Variants in ADCK1 observed in about 807,000 individuals in gnomAD.
The protein encoded by ADCK1 is aarF domain-containing protein kinase 1.
ADCK1 carries 41 observed loss-of-function variants against 52.3 expected under a neutral mutation model. The ratio of observed to expected loss-of-function variants is 0.78; its 90% CI spans 0.61 to 1.02. The LOEUF is 1.02. Ranked by LOEUF, ADCK1 falls within the 50% of genes least tolerant of loss-of-function variation. The pLI, the probability that ADCK1 is intolerant of heterozygous loss-of-function variation, is 0.00. For missense variants in ADCK1, 658 were observed against 679.5 expected (o/e 0.97, Z 0.35); for synonymous variants, 250 against 274.6 (o/e 0.91, Z 0.89).
intron 3 of ADCK1, among the ~76,000 whole-genome samples, chr14:77,844,571 C>G (rs1476094386): frequency 6.6e-6 from 1 of 152,108 alleles, no homozygotes; most frequent in African/African-American, 2.4e-5. Context: ...GTCAGGTCCA[C>G]CAAGAGCAGA....
chr14:77,802,011 G>T (rs148591255), intron 1 of ADCK1, among the ~76,000 whole-genome samples: 3 of 151,736 alleles, frequency 2.0e-5, no homozygotes, highest in Non-Finnish European at 4.4e-5. Flanking sequence ...TGCCTCCTGG[G>T]TTAAGGTTTC....
At chr14:77,886,976 C>T (rs1046192531) in intron 4 of ADCK1, 115 bp from the exon 5 acceptor site, 111 of 1,153,794 alleles carry the variant, frequency 9.6e-5, no homozygotes, top group Non-Finnish European at 1.3e-4. Context: ...CTCTCTTTCT[C>T]TCTCAAATCT....
intron 5 of ADCK1, among the ~76,000 whole-genome samples, chr14:77,893,367 G>A (rs1484182529): frequency 6.6e-6 from 1 of 152,096 alleles, no homozygotes; most frequent in Non-Finnish European, 1.5e-5. Context: ...TGAGGGCAGG[G>A]TAGGACTCAG....
In ADCK1 at chr14:77,933,590, G is replaced by A; in HGVS notation, c.*199G>A. ...CTCAGGGCCCACAAGCTGAACTGTGGCATAGCTCTCTCTTCTTCTCCAAGA... is the reference window on the plus strand; with the variant it reads ...CTCAGGGCCCACAAGCTGAACTGTGACATAGCTCTCTCTTCTTCTCCAAGA... On this transcript the variant is annotated 3_prime_UTR_variant, in exon 11 of 11. Transcript: ENST00000238561. 1 of 584,726 alleles carries A rather than the reference G, an allele frequency of 1.7e-6. No homozygotes were observed. The highest frequency in any genetic ancestry group is 3.0e-6 in the Non-Finnish European group (1 of 337,204). 36.2% of individuals were successfully genotyped at this position (584,726 alleles called of 1,614,324 possible). A position where few individuals can be genotyped will look rare whatever the true frequency, so the allele number is the denominator to read the frequency against.
At chr14:77,906,963 C>T (rs1469231434) in intron 6 of ADCK1, among the ~76,000 whole-genome samples, 1 of 152,088 alleles carries the variant, frequency 6.6e-6, no homozygotes, top group Non-Finnish European at 1.5e-5. Flanking sequence ...GCTCTGTTGC[C>T]CAGGCTGGAG....
Position 77,907,915 on chromosome 14 carries a change from A to G in ADCK1, c.854A>G (p.Asn285Ser), listed in dbSNP as rs1182937349. 6.2e-7 allele frequency: 1 copy of G among 1,613,394 alleles called. No individual in the cohort carries two copies. The highest frequency in any genetic ancestry group is 1.3e-5 in the African/African-American group (1 of 75,028). Residue 285 changes from asparagine to serine, a missense_variant, in exon 7 of 11, where the codon AAT becomes AGT. Physicochemically the swap from Asn to Ser is conservative, Grantham distance 46. Coordinates refer to ENST00000238561, the MANE Select transcript of ADCK1 (RefSeq NM_020421.4). ...DYMERNKIDV[N>S]EISRHLGKMY... is the part of the protein sequence containing the mutation. The stretch of plus-strand genomic sequence containing the variant: ...ATGGAGAGGAACAAGATCGACGTCA[A>G]TGAGGTGAGGTCAAGAGCTCAGGGC...
Position 77,894,736 on chromosome 14 carries a change from G to GTTTTTTTTTTTTTTTTTTTTT in ADCK1, c.583-4356_583-4336dup. ...TTATTTCTTTTTCTTTTCTTTTCTTGTTTTTTTTTTTTTTTTTTTTTTTTT... is the reference window on the plus strand; with the variant it reads ...TTATTTCTTTTTCTTTTCTTTTCTTGTTTTTTTTTTTTTTTTTTTTTTTTTTTTTTTTTTTTTTTTTTTTTT... On this transcript the variant is annotated intron_variant, in intron 5 of 10. Coordinates refer to ENST00000238561, the MANE Select transcript of ADCK1 (RefSeq NM_020421.4). Among the ~76,000 whole-genome samples, 40 of 36,474 alleles carry GTTTTTTTTTTTTTTTTTTTTT rather than the reference G, an allele frequency of 1.1e-3. 11 individuals are homozygous for GTTTTTTTTTTTTTTTTTTTTT. The highest frequency in any genetic ancestry group is 1.8e-3 in the Non-Finnish European group (31 of 16,926). 23.9% of individuals were successfully genotyped at this position (36,474 alleles called of 152,430 possible). A position where few individuals can be genotyped will look rare whatever the true frequency, so the allele number is the denominator to read the frequency against.
chr14:77,857,688 G>A (rs1466833011), intron 3 of ADCK1, among the ~76,000 whole-genome samples: 1 of 152,140 alleles, frequency 6.6e-6, no homozygotes, highest in African/African-American at 2.4e-5. Context: ...TAATTATACA[G>A]GATCTTTGAA....
chr14:77,839,074 C>A (rs1255388487), intron 3 of ADCK1, among the ~76,000 whole-genome samples: 1 of 152,120 alleles, frequency 6.6e-6, no homozygotes, highest in Non-Finnish European at 1.5e-5. Context: ...CACTGTGGGT[C>A]TAAGTAAACA....
chr14:77,881,685 A>C (rs1325483417), intron 4 of ADCK1, among the ~76,000 whole-genome samples: 1 of 152,122 alleles, frequency 6.6e-6, no homozygotes, highest in Non-Finnish European at 1.5e-5. Flanking sequence ...TAAAGACAGA[A>C]TCTTGCTATG....
chr14:77,921,052 C>A (rs113213022), intron 7 of ADCK1, among the ~76,000 whole-genome samples: 2 of 151,384 alleles, frequency 1.3e-5, no homozygotes, highest in African/African-American at 2.4e-5. Flanking sequence ...ATAGGCCAGG[C>A]GCGGTGGCTC....
chr14:77,833,986 C>T (rs17106436), intron 3 of ADCK1, among the ~76,000 whole-genome samples: 1 of 152,120 alleles, frequency 6.6e-6, no homozygotes, highest in Non-Finnish European at 1.5e-5. Flanking sequence ...TCAGTGATCA[C>T]CCTCATGCTT....
At chr14:77,825,383 C>T (rs986078051) in intron 3 of ADCK1, among the ~76,000 whole-genome samples, 1 of 92,318 alleles carries the variant, frequency 1.1e-5, no homozygotes, top group Non-Finnish European at 2.8e-5. Flanking sequence ...TTGGGATATT[C>T]ATTTAGCCTT....
Position 77,894,736 on chromosome 14 carries a change from GTTTTTTTTTT to G in ADCK1, c.583-4345_583-4336del. On this transcript the variant is annotated intron_variant, in intron 5 of 10. Transcript: ENST00000238561. ...TTATTTCTTTTTCTTTTCTTTTCTT[GTTTTTTTTTT>G]TTTTTTTTTTTTTTTTTTAGATGGA... 3.6e-3 allele frequency among the ~76,000 whole-genome samples: 132 copies of G among 36,482 alleles called. 1 individual carries two copies. Among genetic ancestry groups the G allele is most frequent in the Admixed American group, 7.0e-3 (15 of 2,128 alleles). 23.9% of individuals were successfully genotyped at this position (36,482 alleles called of 152,430 possible).
chr14:77,805,974 C>A (rs1053516625), intron 1 of ADCK1, among the ~76,000 whole-genome samples: 1 of 140,400 alleles, frequency 7.1e-6, no homozygotes, highest in Non-Finnish European at 1.5e-5. Context: ...CTCCCATAAT[C>A]CTATTCTTAC....
chr14:77,818,651 C>T (rs2081514968), intron 1 of ADCK1, among the ~76,000 whole-genome samples: 1 of 152,164 alleles, frequency 6.6e-6, no homozygotes, highest in Non-Finnish European at 1.5e-5. Context: ...GTGTAAGCTC[C>T]AAGTGGGCAA....
chr14:77,867,410 C>A (rs2082684675), intron 4 of ADCK1, among the ~76,000 whole-genome samples: 1 of 152,182 alleles, frequency 6.6e-6, no homozygotes. Flanking sequence ...CTCATCCTGC[C>A]TTCCCAGCAG....
chr14:77,905,651 A>G (rs2140252704), intron 6 of ADCK1, among the ~76,000 whole-genome samples: 1 of 152,150 alleles, frequency 6.6e-6, no homozygotes, highest in Non-Finnish European at 1.5e-5. Flanking sequence ...TTTGGAAGCC[A>G]TGAACAAAAA....
At chr14:77,821,203 A>G (rs376798601) in intron 2 of ADCK1, 6 of 152,108 alleles carry the variant, frequency 3.9e-5, no homozygotes, top group East Asian at 3.9e-4. Context: ...GGAGGCAGAT[A>G]TGGATCAGGA....
Sources: gnomAD v4.1 joint callset for allele counts (sites outside exome capture counted in the v4.1 genomes callset) on GRCh38, gnomAD v4.1.1 for gene constraint, MANE v1.5 for transcripts, NCBI Gene and HGNC (gene_info 2026-07-23, HGNC 2026-07-21) for gene names.